The following CARD14 variants were observed in gnomAD, a reference collection of about 807,000 sequenced individuals.
The protein encoded by CARD14 is caspase recruitment domain-containing protein 14.
A neutral mutation model predicts 111.5 loss-of-function variants in CARD14; 107 were observed. The ratio of observed to expected loss-of-function variants is 0.96; its 90% CI spans 0.82 to 1.13. The LOEUF (loss-of-function observed/expected upper bound fraction) is 1.13, where lower values mean the gene tolerates loss of function less well. Among genes scored for constraint, CARD14 ranks in the 50% most tolerant of loss-of-function variants. CARD14 has a pLI of 0.00. For synonymous variants in CARD14, 617 were observed against 579.6 expected (o/e 1.06, Z -0.93); for missense variants, 1,322 against 1,362.3 (o/e 0.97, Z 0.47).
chr17:80,184,037 G>A lies in CARD14; in HGVS notation c.474G>A (p.Glu158=). 1 of 1,587,518 alleles carries A rather than the reference G, an allele frequency of 6.3e-7. No homozygotes were observed. Among genetic ancestry groups the A allele is most frequent in the Non-Finnish European group, 8.6e-7 (1 of 1,167,154 alleles). ...VLLRRCQQLQ[E]HLGLAETRAE... is the part of the protein sequence containing the mutation. ...TGCGGCGGTGCCAGCAGCTGCAGGA[G>A]CACCTGGGCCTGGCCGAGACCCGTG... The change falls in exon 7 of 24, where the codon GAG becomes GAA. Residue 158 remains glutamate (E), a synonymous_variant. Coordinates refer to ENST00000648509, the MANE Select transcript of CARD14 (RefSeq NM_001366385.1).
chr17:80,201,990 G>A lies in CARD14; in HGVS notation c.1978+120G>A. 3 of 1,370,964 alleles carry A rather than the reference G, an allele frequency of 2.2e-6. No homozygotes were observed. Among genetic ancestry groups the A allele is most frequent in the Non-Finnish European group, 3.0e-6 (3 of 1,009,418 alleles). The allele number at this position is 1,370,964 out of a possible 1,614,324, so 84.9% of individuals were successfully genotyped here. A position where few individuals can be genotyped will look rare whatever the true frequency, so the allele number is the denominator to read the frequency against. On this transcript the variant is annotated intron_variant, in intron 17 of 23. Transcript: ENST00000648509. The surrounding 1 kb of genome is among the most constrained non-coding windows in gnomAD (Gnocchi z 5.0). ...GACCCCCAGAGCCAAGAGAGGATCAGCCAGGCTGTGCCCCAGGTCCCCAGG... is the reference window on the plus strand; with the variant it reads ...GACCCCCAGAGCCAAGAGAGGATCAACCAGGCTGTGCCCCAGGTCCCCAGG...
In CARD14 at chr17:80,207,033, T is replaced by C. The variant is rs2144607642; in HGVS notation, c.2755T>C (p.Phe919Leu). The C allele has an allele frequency of 1.9e-6, 3 of 1,614,026 alleles. No homozygotes were observed. Among genetic ancestry groups the C allele is most frequent in the Non-Finnish European group, 2.5e-6 (3 of 1,179,956 alleles). Residue 919 changes from phenylalanine to leucine, a missense_variant, in exon 23 of 24, where the codon TTC becomes CTC. By Grantham distance (22) the Phe-to-Leu change is conservative (BLOSUM62 0). Transcript: ENST00000648509. Reference sequence around the variant, plus strand: ...CTGCACCCTGCACAGGATGGACATCTTCCCCATCGTCATCCACGTCTCTGT... The same window carrying C: ...CTGCACCCTGCACAGGATGGACATCCTCCCCATCGTCATCCACGTCTCTGT... ...SVCTLHRMDI[F>L]PIVIHVSVNE...
At position 80,188,057 on chromosome 17, in the gene CARD14, T is replaced by TAG. The variant is rs958296800; in HGVS notation, c.676-320_676-319insAG. The TAG allele has an allele frequency of 1.7e-5, 13 of 765,860 alleles. No homozygotes were observed. The African/African-American group carries it at 2.2e-4, about 13-fold the overall frequency. 47.4% of individuals were successfully genotyped at this position (765,860 alleles called of 1,614,324 possible). A position where few individuals can be genotyped will look rare whatever the true frequency, so the allele number is the denominator to read the frequency against. On this transcript the variant is annotated intron_variant, in intron 7 of 23. Coordinates refer to ENST00000648509, the MANE Select transcript of CARD14 (RefSeq NM_001366385.1). The surrounding 1 kb of genome is among the most constrained non-coding windows in gnomAD (Gnocchi z 4.5). Reference sequence around the variant, plus strand: ...AGCCAGGGAGCATGCTGGCCATCACTGCCGGCTGCTCAGCTGTAGAGATCC... The same window carrying TAG: ...AGCCAGGGAGCATGCTGGCCATCACTAGGCCGGCTGCTCAGCTGTAGAGATCC...
rs969267642 is a variant in CARD14, at chr17:80,195,868, T to C, written c.1594+216T>C. 1 of 559,644 alleles carries C rather than the reference T, an allele frequency of 1.8e-6. No homozygotes were observed. The allele number at this position is 559,644 out of a possible 1,614,324, so 34.7% of individuals were successfully genotyped here. The stretch of plus-strand genomic sequence containing the variant: ...CAAAGGCCGGCTGCGCTCTGTCTGC[T>C]GGTGTCCTTGTGTTTTTCCCTAGAG... On this transcript the variant is annotated intron_variant, in intron 14 of 23. Coordinates refer to ENST00000648509, the MANE Select transcript of CARD14 (RefSeq NM_001366385.1). This position sits in a 1 kb window ranked among gnomAD's most constrained non-coding sequence, Gnocchi z 4.7.
chr17:80,208,112 G>C (rs559146307), intron 23 of CARD14, 26 bp from the exon 24 acceptor site: 307 of 1,217,088 alleles, frequency 2.5e-4, no homozygotes, highest in Non-Finnish European at 3.1e-4. Context: ...CCCTGAGCCC[G>C]CCCCCCCCAA....
chr17:80,183,890 C>T (rs2040252972), intron 6 of CARD14, 23 bp from the exon 7 acceptor site: 1 of 1,460,698 alleles, frequency 6.8e-7, no homozygotes, highest in Non-Finnish European at 9.1e-7. Flanking sequence ...TGCTCACTTG[C>T]TCACCTGCCC....
intron 1 of CARD14, among the ~76,000 whole-genome samples, chr17:80,171,451 G>A (rs1458323565): frequency 6.6e-6 from 1 of 151,804 alleles, no homozygotes; most frequent in African/African-American, 2.4e-5. Context: ...CCAAAGTGCT[G>A]GGATTACAGG....
At chr17:80,180,181 G>A (rs933676201) in intron 4 of CARD14, among the ~76,000 whole-genome samples, 1 of 152,148 alleles carries the variant, frequency 6.6e-6, no homozygotes, top group Non-Finnish European at 1.5e-5. Flanking sequence ...TGACGGCTGA[G>A]GACCTCCAAC....
Position 80,181,457 on chromosome 17 carries a change from A to T in CARD14, c.19A>T (p.Arg7Trp), listed in dbSNP as rs944902861. 1.9e-6 allele frequency: 3 copies of T among 1,576,974 alleles called. No individual in the cohort carries two copies. Among genetic ancestry groups the T allele is most frequent in the Non-Finnish European group, 2.6e-6 (3 of 1,161,350 alleles). The change falls in exon 5 of 24, where the codon AGG becomes TGG. Residue 7 changes from arginine to tryptophan, a missense_variant. By Grantham distance (101) the Arg-to-Trp change is moderately radical. Coordinates refer to ENST00000648509, the MANE Select transcript of CARD14 (RefSeq NM_001366385.1). Reference protein sequence around the residue: MGELCRRDSALTALDEE... With the variant: MGELCRWDSALTALDEE... ...CCCAGCCATGGGGGAACTGTGCCGC[A>T]GGGACTCCGCACTCACGGCACTGGA...
At position 80,203,583 on chromosome 17, in the gene CARD14, C is replaced by T. The variant is rs2041108347; in HGVS notation, c.2220-239C>T. 3 of 477,314 alleles carry T rather than the reference C, an allele frequency of 6.3e-6. No homozygotes were observed. The highest frequency in any genetic ancestry group is 1.1e-5 in the Non-Finnish European group (3 of 270,032). The allele number at this position is 477,314 out of a possible 1,614,324, so 29.6% of individuals were successfully genotyped here. A position where few individuals can be genotyped will look rare whatever the true frequency, so the allele number is the denominator to read the frequency against. On this transcript the variant is annotated intron_variant, in intron 18 of 23. Transcript: ENST00000648509. This position sits in a 1 kb window ranked among gnomAD's most constrained non-coding sequence, Gnocchi z 4.6. ...GCACCCCCTGGGTCCCGCCCCAGGA[C>T]AAGTAAATCAGCATCTCCAGGGGTG...
Position 80,192,601 on chromosome 17 carries a change from C to A in CARD14, c.1338C>A (p.Ser446Arg), listed in dbSNP as rs759750220. The A allele has an allele frequency of 6.2e-7, 1 of 1,613,006 alleles. No homozygotes were observed. Among genetic ancestry groups the A allele is most frequent in the Non-Finnish European group, 8.5e-7 (1 of 1,179,594 alleles). ...GCCCCAGAGACGACAGCGACTGCAG[C>A]CTCGTCAGCTCCACAGAGGTACGGC... ...AICPRDDSDC[S>R]LVSSTESQLL... The change falls in exon 12 of 24, where the codon AGC (serine) becomes AGA (arginine). Residue 446 changes from serine (S) to arginine (R), a missense_variant. By Grantham distance (110) the Ser-to-Arg change is moderately radical. Coordinates refer to ENST00000648509, the MANE Select transcript of CARD14 (RefSeq NM_001366385.1).
intron 11 of CARD14, among the ~76,000 whole-genome samples, chr17:80,191,677 A>G (rs1174188064): frequency 6.6e-6 from 1 of 152,174 alleles, no homozygotes; most frequent in Non-Finnish European, 1.5e-5. Context: ...GTGCCGTGAA[A>G]CCTCGAAGGT....
intron 21 of CARD14, 133 bp downstream of exon 21, chr17:80,205,338 G>A: frequency 8.6e-7 from 1 of 1,159,378 alleles, no homozygotes; most frequent in Non-Finnish European, 1.2e-6. Flanking sequence ...CTCACCTGCT[G>A]TGTCCAGATA....
At chr17:80,190,173 G>A (rs912850791) in intron 9 of CARD14, among the ~76,000 whole-genome samples, 1 of 152,172 alleles carries the variant, frequency 6.6e-6, no homozygotes, top group African/African-American at 2.4e-5. Flanking sequence ...GGAGACGGTA[G>A]AAGAGAAGAG....
At chr17:80,202,625 T>C in intron 18 of CARD14, 1 of 1,406,924 alleles carries the variant, frequency 7.1e-7, no homozygotes, top group South Asian at 1.5e-5. Context: ...AAATGTTCAT[T>C]CTAGAACATT....
At chr17:80,206,903 C>A in intron 22 of CARD14, 67 bp from the exon 23 acceptor site, 2 of 1,173,860 alleles carry the variant, frequency 1.7e-6, no homozygotes, top group Non-Finnish European at 2.5e-6. Context: ...CTGACCTGGG[C>A]GTTGGCTCCC....
At position 80,198,349 on chromosome 17, in the gene CARD14, G is replaced by A. The variant is rs752497917; in HGVS notation, c.1659-50G>A. ...GAAGCAATGGGGAGGTGGCCTTGCC[G>A]GCTCTCCTGCTCTGGGCAGTGCACA... On this transcript the variant is annotated intron_variant, in intron 15 of 23. Coordinates refer to ENST00000648509, the MANE Select transcript of CARD14 (RefSeq NM_001366385.1). This position sits in a 1 kb window ranked among gnomAD's most constrained non-coding sequence, Gnocchi z 7.5. 4.5e-5 allele frequency: 70 copies of A among 1,562,524 alleles called. No homozygotes were observed. Among genetic ancestry groups the A allele is most frequent in the African/African-American group, 6.8e-5 (5 of 74,054 alleles).
rs2040818958 is a variant in CARD14 at position 80,198,758 on chromosome 17, TGA to T, written c.1851+171_1851+172del. 1 of 1,525,000 alleles carries T rather than the reference TGA, an allele frequency of 6.6e-7. No individual in the cohort carries two copies. The highest frequency in any genetic ancestry group is 1.4e-5 in the African/African-American group (1 of 72,990). 94.5% of individuals were successfully genotyped at this position (1,525,000 alleles called of 1,614,324 possible). A position where few individuals can be genotyped will look rare whatever the true frequency, so the allele number is the denominator to read the frequency against. On this transcript the variant is annotated intron_variant, in intron 16 of 23. Coordinates refer to ENST00000648509, the MANE Select transcript of CARD14 (RefSeq NM_001366385.1). This position sits in a 1 kb window ranked among gnomAD's most constrained non-coding sequence, Gnocchi z 7.5. ...GTAAAGCGTTCTGCTCATTTATAGATGAGAGTCGTGCCGTGCAGAACCCAGCA... is the reference window on the plus strand; with the variant it reads ...GTAAAGCGTTCTGCTCATTTATAGATGAGTCGTGCCGTGCAGAACCCAGCA...
Position 80,192,626 on chromosome 17 carries a change from C to A in CARD14, c.1356+7C>A. On this transcript the variant is annotated splice_region_variant and intron_variant, in intron 12 of 23. Transcript: ENST00000648509. ...CCTCGTCAGCTCCACAGAGGTACGG[C>A]CGCTCCTCCCGCCTCCCTCACTGCC... 6.3e-7 allele frequency: 1 copy of A among 1,599,626 alleles called. No homozygotes were observed. Among genetic ancestry groups the A allele is most frequent in the African/African-American group, 1.3e-5 (1 of 74,790 alleles).
Sources: gnomAD v4.1 joint callset for allele counts (sites outside exome capture counted in the v4.1 genomes callset) on GRCh38, gnomAD v4.1.1 for gene constraint, Gnocchi (gnomAD v3.1) non-coding constraint, MANE v1.5 for transcripts, NCBI Gene and HGNC (gene_info 2026-07-23, HGNC 2026-07-21) for gene names.